The following LOXL3 variants were observed in gnomAD, a reference collection of about 807,000 sequenced individuals.
LOXL3 encodes lysyl oxidase like 3.
Under a neutral mutation model 91.8 loss-of-function variants are expected in LOXL3, and 60 were observed. That is an observed-to-expected ratio of 0.65 (90% CI 0.53 to 0.81). The LOEUF (loss-of-function observed/expected upper bound fraction) is 0.81, where lower values mean the gene tolerates loss of function less well. Among genes scored for constraint, LOXL3 ranks in the 30% least tolerant of loss-of-function variants. The pLI is 0.00. For synonymous variants in LOXL3, 355 were observed against 387.6 expected (o/e 0.92, Z 0.99); for missense variants, 874 against 1,000.4 (o/e 0.87, Z 1.70).
intron 4 of LOXL3, among the ~76,000 whole-genome samples, chr2:74,546,241 T>A (rs529438246): frequency 6.6e-6 from 1 of 152,202 alleles, no homozygotes; most frequent in Admixed American, 6.5e-5. Context: ...ACCAGCCACC[T>A]GACTTCTTGC....
At chr2:74,550,049 C>T in intron 3 of LOXL3, 136 bp downstream of exon 3, 1 of 1,476,608 alleles carries the variant, frequency 6.8e-7, no homozygotes, top group South Asian at 1.4e-5. Context: ...GGAGCTCTAT[C>T]ATTTGCTTTT....
chr2:74,554,745 G>A (rs1296926430), upstream of LOXL3: 1 of 1,611,874 alleles, frequency 6.2e-7, no homozygotes, highest in South Asian at 1.1e-5. The surrounding 1 kb of genome is among the most constrained non-coding windows in gnomAD (Gnocchi z 4.9). Context: ...GGAAGGAACC[G>A]CCGGGGGCCA....
rs1573000938 is a variant in LOXL3, at chr2:74,533,562, C to T, written c.*44G>A. 2 of 1,561,772 alleles carry T rather than the reference C, an allele frequency of 1.3e-6. No individual in the cohort carries two copies. The highest frequency in any genetic ancestry group is 4.5e-5 in the East Asian group (2 of 44,600). Reference sequence around the variant, plus strand: ...CCTGAGGTAATGGCAGCCTCAGACCCCTGCCATTAGGGGCCAGTGGTGGTT... The same window carrying T: ...CCTGAGGTAATGGCAGCCTCAGACCTCTGCCATTAGGGGCCAGTGGTGGTT... On this transcript the variant is annotated 3_prime_UTR_variant, in exon 14 of 14. Transcript: ENST00000264094.
upstream of LOXL3, chr2:74,555,702 T>C: frequency 6.2e-7 from 1 of 1,611,888 alleles, no homozygotes; most frequent in Non-Finnish European, 8.5e-7. This position sits in a 1 kb window ranked among gnomAD's most constrained non-coding sequence, Gnocchi z 6.1. Context: ...AGGGATGGAG[T>C]GAAGAGGAGG....
At position 74,544,283 on chromosome 2, in the gene LOXL3, C is replaced by A. The variant is rs961650251; in HGVS notation, c.692+5086G>T. ...TGCCACTGCACTCCAGCCTGGGCAA[C>A]AAGCCAGACTCCCTCTCAAAAAAAC... On this transcript the variant is annotated intron_variant, in intron 4 of 13. Coordinates refer to ENST00000264094, the MANE Select transcript of LOXL3 (RefSeq NM_032603.5). 1.9e-4 allele frequency among the ~76,000 whole-genome samples: 28 copies of A among 148,656 alleles called. 1 individual carries two copies. The highest frequency in any genetic ancestry group is 1.6e-3 in the Admixed American group (25 of 15,154).
intron 4 of LOXL3, among the ~76,000 whole-genome samples, chr2:74,542,305 T>TCAAA (rs149001496): frequency 6.2e-4 from 94 of 151,918 alleles, no homozygotes; most frequent in African/African-American, 1.2e-3. Flanking sequence ...AAACAAGGAA[T>TCAAA]CAAACAAACA....
intron 9 of LOXL3, 84 bp from the exon 10 acceptor site, chr2:74,534,858 A>G (rs1558617861): frequency 4.8e-6 from 7 of 1,462,740 alleles, no homozygotes; most frequent in Non-Finnish European, 6.5e-6. Flanking sequence ...AGTGTGTAAG[A>G]CTAGTTTTTT....
chr2:74,555,141 T>A (rs2104466794), upstream of LOXL3: 9 of 1,604,262 alleles, frequency 5.6e-6, no homozygotes, highest in Non-Finnish European at 7.7e-6. This position sits in a 1 kb window ranked among gnomAD's most constrained non-coding sequence, Gnocchi z 6.1. Context: ...GAGCACTCTC[T>A]CTCTCTCCCT....
intron 4 of LOXL3, among the ~76,000 whole-genome samples, chr2:74,540,954 G>A (rs901642435): frequency 6.6e-6 from 1 of 152,176 alleles, no homozygotes; most frequent in Non-Finnish European, 1.5e-5. Context: ...ATGAGCCACT[G>A]AGCCCAGCCT....
rs369652789 is a variant in LOXL3, at chr2:74,534,793, G to C, written c.1580-19C>G. 6 of 1,605,588 alleles carry C rather than the reference G, an allele frequency of 3.7e-6. No homozygotes were observed. Among genetic ancestry groups the C allele is most frequent in the African/African-American group, 1.3e-5 (1 of 74,756 alleles). ...GATGCAGCTGCACCAAGAAAGGAAG[G>C]GGGTGTTAGAAGTCACTGCTGACTT... On this transcript the variant is annotated intron_variant, in intron 9 of 13. Coordinates refer to ENST00000264094, the MANE Select transcript of LOXL3 (RefSeq NM_032603.5).
Position 74,534,793 on chromosome 2 carries a change from G to A in LOXL3, c.1580-19C>T, listed in dbSNP as rs369652789. 12 of 1,605,588 alleles carry A rather than the reference G, an allele frequency of 7.5e-6. No individual in the cohort carries two copies. The highest frequency in any genetic ancestry group is 2.0e-4 in the Middle Eastern group (1 of 5,108). The stretch of plus-strand genomic sequence containing the variant: ...GATGCAGCTGCACCAAGAAAGGAAG[G>A]GGGTGTTAGAAGTCACTGCTGACTT... On this transcript the variant is annotated intron_variant, in intron 9 of 13. Transcript: ENST00000264094.
At position 74,532,401 on chromosome 2, in the gene LOXL3, ACT is replaced by A. The variant is rs1285223256; in HGVS notation, c.*1203_*1204del. The stretch of plus-strand genomic sequence containing the variant: ...ATGACATTAGTGCTATTGATTTAAC[ACT>A]GTTTGTCATTTGGTGCCCTCATGTG... On this transcript the variant is annotated 3_prime_UTR_variant, in exon 14 of 14. Transcript: ENST00000264094. 3 of 590,896 alleles carry A rather than the reference ACT, an allele frequency of 5.1e-6. No homozygotes were observed. Among genetic ancestry groups the A allele is most frequent in the East Asian group, 3.2e-5 (1 of 31,514 alleles). 36.6% of individuals were successfully genotyped at this position (590,896 alleles called of 1,614,324 possible).
chr2:74,538,827 T>C (rs1457376306), intron 4 of LOXL3, among the ~76,000 whole-genome samples: 1 of 152,324 alleles, frequency 6.6e-6, no homozygotes, highest in Admixed American at 6.5e-5. Flanking sequence ...CACCATGTTG[T>C]CTCCTGGAAC....
rs1223302011 is a variant in LOXL3, at chr2:74,536,797, C to G, written c.824G>C (p.Gly275Ala). 1 of 1,613,222 alleles carries G rather than the reference C, an allele frequency of 6.2e-7. No homozygotes were observed. Among genetic ancestry groups the G allele is most frequent in the Admixed American group, 1.7e-5 (1 of 60,010 alleles). ...ANDTARCPGG[G>A]PAVVSCVPGP... Reference sequence around the variant, plus strand: ...TGGCACACAGCTCACCACTGCAGGGCCCCCCCCAGGGCACCTGGCGGTGTC... The same window carrying G: ...TGGCACACAGCTCACCACTGCAGGGGCCCCCCCAGGGCACCTGGCGGTGTC... Residue 275 changes from glycine to alanine, a missense_variant, in exon 5 of 14, where the codon GGC becomes GCC. By Grantham distance (60) the Gly-to-Ala change is moderately conservative (BLOSUM62 0). Coordinates refer to ENST00000264094, the MANE Select transcript of LOXL3 (RefSeq NM_032603.5). The surrounding 1 kb of genome is among the most constrained non-coding windows in gnomAD (Gnocchi z 4.5).
upstream of LOXL3, chr2:74,555,616 G>A (rs768594403): frequency 2.5e-6 from 4 of 1,614,184 alleles, no homozygotes; most frequent in Non-Finnish European, 3.4e-6. This position sits in a 1 kb window ranked among gnomAD's most constrained non-coding sequence, Gnocchi z 6.1. Context: ...ACCCACCTAA[G>A]CTTTCTGCCC....
chr2:74,539,737 A>T (rs541758171), intron 4 of LOXL3: 1 of 152,622 alleles, frequency 6.6e-6, no homozygotes, highest in Admixed American at 6.5e-5. Context: ...CCATCCATCC[A>T]TCCACCTCCT....
In LOXL3 at chr2:74,540,787, C is replaced by T. The variant is rs1676283582; in HGVS notation, c.693-3859G>A. ...GCTCAAGTGATTCTCCCACCTCAGC[C>T]TTCTGAATCGCTGGGACCACAGGTG... is the stretch of plus-strand genomic sequence containing the variant. On this transcript the variant is annotated intron_variant, in intron 4 of 13. Transcript: ENST00000264094. Among the ~76,000 whole-genome samples the T allele has an allele frequency of 2.0e-5, 3 of 151,348 alleles. No individual in the cohort carries two copies. The South Asian group carries it at 6.2e-4, about 31-fold the overall frequency.
intron 4 of LOXL3, among the ~76,000 whole-genome samples, chr2:74,546,841 C>G (rs888079841): frequency 6.6e-6 from 1 of 152,180 alleles, no homozygotes; most frequent in East Asian, 1.9e-4. Context: ...CTCAGCCTCC[C>G]GAGTAGCTGG....
At position 74,533,414 on chromosome 2, in the gene LOXL3, T is replaced by C; in HGVS notation, c.*192A>G. On this transcript the variant is annotated 3_prime_UTR_variant, in exon 14 of 14. Transcript: ENST00000264094. ...CTGGGCCTGGGAGCAAAGATTCCCA[T>C]GCTTGGCTACAGATACTGACAGCTG... 5.1e-6 allele frequency: 3 copies of C among 591,620 alleles called. No homozygotes were observed. The highest frequency in any genetic ancestry group is 5.8e-5 in the East Asian group (2 of 34,464). The allele number at this position is 591,620 out of a possible 1,614,324, so 36.6% of individuals were successfully genotyped here. A position where few individuals can be genotyped will look rare whatever the true frequency, so the allele number is the denominator to read the frequency against.
Sources: allele counts gnomAD v4.1 joint callset (sites outside exome capture counted in the v4.1 genomes callset), GRCh38; gene constraint gnomAD v4.1.1; non-coding constraint Gnocchi (gnomAD v3.1); transcripts MANE v1.5; gene names NCBI Gene and HGNC (gene_info 2026-07-23, HGNC 2026-07-21).